Variants in TTC6 observed in about 807,000 individuals in gnomAD.
The protein encoded by TTC6 is tetratricopeptide repeat protein 6.
In TTC6, 172 loss-of-function variants were observed where a neutral mutation model predicts 210.4. That is an observed-to-expected ratio of 0.82 (90% CI 0.72 to 0.93). The LOEUF is 0.93. Ranked by LOEUF, TTC6 falls within the 40% of genes least tolerant of loss-of-function variation. The pLI, the probability that TTC6 is intolerant of heterozygous loss-of-function variation, is 0.00. For synonymous variants in TTC6, 804 were observed against 819.6 expected, an observed-to-expected ratio of 0.98 and a Z score of 0.32; for missense variants, 2,414 against 2,318.1, an observed-to-expected ratio of 1.04 and a Z score of -0.85.
rs558380530 is a variant in TTC6 at position 37,714,814 on chromosome 14, T to G, written c.1713+18T>G. On this transcript the variant is annotated intron_variant, in intron 6 of 30. Coordinates refer to ENST00000553443, the Ensembl canonical transcript of TTC6. ...GAGAGGAAGTAAGAACTTTCTTTAA[T>G]ATTAGTTTTTTTGTACCTCACAGGT... The G allele has an allele frequency of 6.5e-7, 1 of 1,528,698 alleles. No individual in the cohort carries two copies. The highest frequency in any genetic ancestry group is 1.4e-5 in the African/African-American group (1 of 72,678). The allele number at this position is 1,528,698 out of a possible 1,614,324, so 94.7% of individuals were successfully genotyped here.
chr14:37,727,487 G>T (rs1015375179), intron 7 of TTC6, among the ~76,000 whole-genome samples: 1 of 151,586 alleles, frequency 6.6e-6, no homozygotes. Context: ...TAGAGATGGG[G>T]TTTCACTGTT....
chr14:37,745,946 T>C lies in TTC6; in HGVS notation c.2364-2993T>C, dbSNP rs1356626914. On this transcript the variant is annotated intron_variant, in intron 10 of 30. Transcript: ENST00000553443. Reference sequence around the variant, plus strand: ...ATTGTGAACCTCCACTATAGCTGGTTAGGTTTGTACCAGAAGACCTGTAAG... The same window carrying C: ...ATTGTGAACCTCCACTATAGCTGGTCAGGTTTGTACCAGAAGACCTGTAAG... Among the ~76,000 whole-genome samples, 3 of 152,250 alleles carry C rather than the reference T, an allele frequency of 2.0e-5. No individual in the cohort carries two copies. In the East Asian group the frequency reaches 5.8e-4, roughly 29 times the overall value.
chr14:37,603,195 C>T (rs1389957634), intron 1 of TTC6, among the ~76,000 whole-genome samples: 1 of 152,176 alleles, frequency 6.6e-6, no homozygotes, highest in Non-Finnish European at 1.5e-5. Context: ...CTGACGCTGA[C>T]CGCAGTGCTG....
chr14:37,761,056 G>A (rs2095982903), intron 14 of TTC6, among the ~76,000 whole-genome samples: 1 of 152,156 alleles, frequency 6.6e-6, no homozygotes, highest in South Asian at 2.1e-4. Flanking sequence ...AGGTGCCACT[G>A]GGGTACTAAA....
At chr14:37,751,708 T>C (rs1398281761) in intron 13 of TTC6, among the ~76,000 whole-genome samples, 1 of 152,126 alleles carries the variant, frequency 6.6e-6, no homozygotes. Flanking sequence ...TTATTTACTA[T>C]TATAAATTAT....
chr14:37,659,502 C>T (rs1228178621), intron 1 of TTC6, among the ~76,000 whole-genome samples: 4 of 146,316 alleles, frequency 2.7e-5, no homozygotes, highest in Admixed American at 6.9e-5. Flanking sequence ...GATGGTATCT[C>T]GTTGTCGTTT....
intron 3 of TTC6, among the ~76,000 whole-genome samples, chr14:37,694,003 CAAA>C (rs2095809626): frequency 6.6e-6 from 1 of 151,558 alleles, no homozygotes; most frequent in East Asian, 1.9e-4. Flanking sequence ...AACAAACAAA[CAAA>C]CAAACAAACA....
At chr14:37,826,196 C>T in exon 28 of TTC6, 1 of 1,574,052 alleles carries the variant, frequency 6.4e-7, no homozygotes, top group Non-Finnish European at 8.7e-7. Context: ...TTATTTTAGG[C>T]CCAAGGAAAA....
rs117214061 is a variant in TTC6, at chr14:37,726,178, C to T, written c.1818+1176C>T. ...ATTCAGGATTATTTTATTTGCACAGCGTTGTAGGCAGCTTATGAAAACACA... is the reference window on the plus strand; with the variant it reads ...ATTCAGGATTATTTTATTTGCACAGTGTTGTAGGCAGCTTATGAAAACACA... On this transcript the variant is annotated intron_variant, in intron 7 of 30. Transcript: ENST00000553443. Among the ~76,000 whole-genome samples the T allele has an allele frequency of 6.7e-3, 1,013 of 151,712 alleles. 8 individuals are homozygous for T. The highest frequency in any genetic ancestry group is 0.011 in the Admixed American group (162 of 15,222).
chr14:37,839,477 A>T (rs1872376226), intron 29 of TTC6, among the ~76,000 whole-genome samples: 1 of 152,044 alleles, frequency 6.6e-6, no homozygotes, highest in African/African-American at 2.4e-5. Context: ...TCCTTCACCC[A>T]TTTTTTGATG....
At chr14:37,617,699 G>A (rs1259689801), upstream of TTC6, among the ~76,000 whole-genome samples, 1 of 152,120 alleles carries the variant, frequency 6.6e-6, no homozygotes, top group Non-Finnish European at 1.5e-5. Context: ...TATTTCAGAA[G>A]CAAATATTGT....
chr14:37,616,651 C>T (rs1223194480), intron 2 of TTC6, among the ~76,000 whole-genome samples: 1 of 150,852 alleles, frequency 6.6e-6, no homozygotes, highest in African/African-American at 2.4e-5. Context: ...GAGCGAAGAT[C>T]GCGCCACTGC....
At chr14:37,786,722 C>T (rs143419707) in intron 14 of TTC6, among the ~76,000 whole-genome samples, 2,627 of 152,294 alleles carry the variant, frequency 0.017, 78 homozygotes, top group African/African-American at 0.055. Context: ...ATCGCTCACG[C>T]GGGGAGCTGT....
chr14:37,762,506 A>G (rs144582329), intron 14 of TTC6, among the ~76,000 whole-genome samples: 1 of 152,218 alleles, frequency 6.6e-6, no homozygotes, highest in Non-Finnish European at 1.5e-5. Flanking sequence ...TCTTTTGGTA[A>G]TAGTGTGAAG....
chr14:37,683,453 G>T (rs909772302), intron 3 of TTC6, among the ~76,000 whole-genome samples: 3 of 152,032 alleles, frequency 2.0e-5, no homozygotes, highest in Non-Finnish European at 2.9e-5. Flanking sequence ...TTACTGTAGG[G>T]TTTAAGTTTC....
At chr14:37,770,417 A>G (rs1046860543) in intron 14 of TTC6, among the ~76,000 whole-genome samples, 26 of 152,188 alleles carry the variant, frequency 1.7e-4, no homozygotes, top group Non-Finnish European at 3.2e-4. Context: ...AAAGTCTCCC[A>G]TTATTAATGT....
intron 14 of TTC6, among the ~76,000 whole-genome samples, chr14:37,787,068 C>T (rs978723569): frequency 1.3e-5 from 2 of 152,114 alleles, no homozygotes; most frequent in Admixed American, 1.3e-4. Context: ...CTTCTACTCA[C>T]TAGGGCCCAT....
intron 29 of TTC6, among the ~76,000 whole-genome samples, chr14:37,839,333 T>C (rs545152884): frequency 6.6e-6 from 1 of 152,248 alleles, no homozygotes; most frequent in Admixed American, 6.5e-5. Flanking sequence ...TTAATGATCA[T>C]CATTCTAACT....
Position 37,663,940 on chromosome 14 carries a change from A to T in TTC6, c.940-16211A>T, listed in dbSNP as rs373202295. 3.3e-5 allele frequency among the ~76,000 whole-genome samples: 5 copies of T among 151,228 alleles called. No individual in the cohort carries two copies. The South Asian group carries it at 1.0e-3, about 32-fold the overall frequency. On this transcript the variant is annotated intron_variant, in intron 1 of 30. Transcript: ENST00000553443. Reference sequence around the variant, plus strand: ...AGAATAAATACCTAGGACTATAGCTAATAAGGGAAGTGAAGGACCTCTTCA... The same window carrying T: ...AGAATAAATACCTAGGACTATAGCTTATAAGGGAAGTGAAGGACCTCTTCA...
Sources: gnomAD v4.1 joint callset for allele counts (sites outside exome capture counted in the v4.1 genomes callset) on GRCh38, gnomAD v4.1.1 for gene constraint, MANE v1.5 for transcripts, NCBI Gene and HGNC (gene_info 2026-07-23, HGNC 2026-07-21) for gene names.